Variants in WHRN observed in about 807,000 individuals in gnomAD.
WHRN encodes the protein CASK-interacting protein CIP98.
Under a neutral mutation model 68.3 loss-of-function variants are expected in WHRN, and 41 were observed. That is an observed-to-expected ratio of 0.60 (90% CI 0.47 to 0.78). The LOEUF is 0.78. WHRN is among the 30% of genes least tolerant of loss of function. The probability of loss-of-function intolerance (pLI) is 0.00; values close to 1 mark genes in which losing one functional copy is unlikely to be tolerated. For missense variants in WHRN, 1,243 were observed against 1,244.7 expected, an observed-to-expected ratio of 1.00 and a Z score of 0.02; for synonymous variants, 560 against 561.3, an observed-to-expected ratio of 1.00 and a Z score of 0.03.
chr9:114,466,128 G>A, intron 3 of WHRN, 139 bp downstream of exon 3: 1 of 1,332,358 alleles, frequency 7.5e-7, no homozygotes, highest in Non-Finnish European at 1.1e-6. Flanking sequence ...TGAATTTAGA[G>A]GTACAGCAGC....
intron 7 of WHRN, 71 bp downstream of exon 7, chr9:114,423,243 G>T (rs568058668): frequency 2.6e-6 from 4 of 1,516,072 alleles, no homozygotes; most frequent in Non-Finnish European, 3.7e-6. Context: ...ACTCAGGCTG[G>T]TCTCACTCCA....
chr9:114,409,365 C>G (rs1052892664), intron 7 of WHRN, among the ~76,000 whole-genome samples: 1 of 152,084 alleles, frequency 6.6e-6, no homozygotes, highest in African/African-American at 2.4e-5. Flanking sequence ...ATAATGCAAT[C>G]GGGGGAGGGG....
intron 3 of WHRN, among the ~76,000 whole-genome samples, chr9:114,447,963 G>A (rs1297973249): frequency 6.6e-6 from 1 of 152,136 alleles, no homozygotes; most frequent in Non-Finnish European, 1.5e-5. Context: ...TACTGAGGCA[G>A]AGTGTACTTT....
intron 1 of WHRN, chr9:114,491,768 CG>C: frequency 3.7e-6 from 1 of 271,008 alleles, no homozygotes. Flanking sequence ...CCAACCCTCC[CG>C]CCCTTTGCCT....
intron 3 of WHRN, among the ~76,000 whole-genome samples, chr9:114,447,610 T>C (rs755983470): frequency 1.2e-4 from 18 of 152,186 alleles, no homozygotes; most frequent in African/African-American, 2.7e-4. Context: ...GTGTTGTCCA[T>C]GGACCAACTG....
chr9:114,424,683 C>A (rs1223507401), intron 5 of WHRN, 137 bp from the exon 6 acceptor site: 2 of 1,029,728 alleles, frequency 1.9e-6, no homozygotes, highest in Non-Finnish European at 2.9e-6. Flanking sequence ...CCCCCAGCAC[C>A]TTGCCTTGAT....
At chr9:114,433,217 C>T (rs558724701) in intron 3 of WHRN, among the ~76,000 whole-genome samples, 30 of 152,352 alleles carry the variant, frequency 2.0e-4, no homozygotes, top group African/African-American at 6.7e-4. Flanking sequence ...GTGCTGTATT[C>T]GTGCCCGATG....
In WHRN at chr9:114,407,972, A is replaced by C. The variant is rs747084627; in HGVS notation, c.1673T>G (p.Ile558Ser). 3 of 1,604,330 alleles carry C rather than the reference A, an allele frequency of 1.9e-6. No homozygotes were observed. The South Asian group carries it at 3.4e-5, about 18-fold the overall frequency. ...CACGGACACATCTGGGAGGGCGTTG[A>C]TATTGCCCTGGACAGCCTCGCCAGT... ...EETGEAVQGN[I>S]NALPDVSVDD... The change falls in exon 8 of 12, where the codon ATC (isoleucine) becomes AGC (serine). Residue 558 changes from isoleucine to serine, a missense_variant. Physicochemically the swap from Ile to Ser is moderately radical, Grantham distance 142 (BLOSUM62 -2). Transcript: ENST00000362057.
At chr9:114,415,553 C>T (rs186295848) in intron 7 of WHRN, among the ~76,000 whole-genome samples, 2 of 152,314 alleles carry the variant, frequency 1.3e-5, no homozygotes, top group African/African-American at 2.4e-5. Context: ...TTAGCTTCAA[C>T]CTCTCTCCCC....
At chr9:114,425,056 C>T in intron 4 of WHRN, 32 bp from the exon 5 acceptor site, 1 of 1,613,328 alleles carries the variant, frequency 6.2e-7, no homozygotes, top group Non-Finnish European at 8.5e-7. Context: ...TCCAGTTGTG[C>T]ATTTGAGCAG....
At chr9:114,503,400 A>G (rs2133460704) in intron 1 of WHRN, among the ~76,000 whole-genome samples, 1 of 152,266 alleles carries the variant, frequency 6.6e-6, no homozygotes, top group African/African-American at 2.4e-5. Context: ...ACCCAACACT[A>G]TCCATCATAC....
Position 114,502,658 on chromosome 9 carries a change from G to A in WHRN, c.618+1526C>T, listed in dbSNP as rs747857213. The stretch of plus-strand genomic sequence containing the variant: ...TGAAGGGACAGTCTGCGTTTTGAAT[G>A]CCCAAGGTAACTGACAGCCTTTCCA... On this transcript the variant is annotated intron_variant, in intron 1 of 11. Transcript: ENST00000362057. 1.1e-3 allele frequency among the ~76,000 whole-genome samples: 173 copies of A among 152,312 alleles called. 1 individual carries two copies. The highest frequency in any genetic ancestry group is 1.9e-3 in the Non-Finnish European group (127 of 68,034).
chr9:114,454,987 T>C (rs1007759945), intron 3 of WHRN, among the ~76,000 whole-genome samples: 2 of 106,534 alleles, frequency 1.9e-5, no homozygotes, highest in Admixed American at 2.2e-4. Flanking sequence ...CAGATGGTGC[T>C]AGAACAATTG....
Position 114,445,877 on chromosome 9 carries a change from A to C in WHRN, c.964-19464T>G, listed in dbSNP as rs553313582. On this transcript the variant is annotated intron_variant, in intron 3 of 11. Transcript: ENST00000362057. ...TTGCTCCTTTTAAATCCTGATTTCA[A>C]TTAGAAACAGCTAAATGCCTGACTT... Among the ~76,000 whole-genome samples, 9 of 152,342 alleles carry C rather than the reference A, an allele frequency of 5.9e-5. No homozygotes were observed. The South Asian group carries it at 1.7e-3, about 28-fold the overall frequency.
At chr9:114,485,565 G>A (rs1189240695) in intron 1 of WHRN, among the ~76,000 whole-genome samples, 2 of 152,092 alleles carry the variant, frequency 1.3e-5, no homozygotes, top group Non-Finnish European at 2.9e-5. Context: ...GGTGGCGGGT[G>A]GCTGTAATCC....
chr9:114,424,613 C>T, intron 5 of WHRN, 67 bp from the exon 6 acceptor site: 2 of 1,489,426 alleles, frequency 1.3e-6, no homozygotes, highest in Non-Finnish European at 1.8e-6. Context: ...CCATGCCACT[C>T]CCCCTCTGCC....
At chr9:114,503,272 G>T in intron 1 of WHRN, 1 of 869,360 alleles carries the variant, frequency 1.2e-6, no homozygotes, top group Non-Finnish European at 1.4e-6. Flanking sequence ...GCATTTCTCT[G>T]CAGAAGCAGA....
intron 1 of WHRN, among the ~76,000 whole-genome samples, chr9:114,487,730 G>C (rs1564219339): frequency 6.6e-6 from 1 of 152,150 alleles, no homozygotes; most frequent in Non-Finnish European, 1.5e-5. Context: ...AGTGTCCCCT[G>C]GGGCATGCCT....
intron 1 of WHRN, among the ~76,000 whole-genome samples, chr9:114,499,792 T>C (rs1405554364): frequency 1.3e-5 from 2 of 152,068 alleles, no homozygotes; most frequent in Non-Finnish European, 2.9e-5. Flanking sequence ...GGTCGGGGGG[T>C]TAAAGAATCA....
Sources: allele counts gnomAD v4.1 joint callset (sites outside exome capture counted in the v4.1 genomes callset), GRCh38; gene constraint gnomAD v4.1.1; transcripts MANE v1.5; gene names NCBI Gene and HGNC (gene_info 2026-07-23, HGNC 2026-07-21).